Variants in SHCBP1 observed in about 807,000 individuals in gnomAD.
SHCBP1 encodes SHC SH2 domain-binding protein 1.
Under a neutral mutation model 75.1 loss-of-function variants are expected in SHCBP1, and 60 were observed. That is an observed-to-expected ratio of 0.80 (90% CI 0.65 to 0.99). The LOEUF (loss-of-function observed/expected upper bound fraction) is 0.99. Among genes scored for constraint, SHCBP1 ranks in the 50% least tolerant of loss-of-function variants. SHCBP1 has a pLI of 0.00. For synonymous variants in SHCBP1, 290 were observed against 293.2 expected, an observed-to-expected ratio of 0.99 and a Z score of 0.11; for missense variants, 709 against 809.4, an observed-to-expected ratio of 0.88 and a Z score of 1.50.
chr16:46,603,835 G>T, intron 7 of SHCBP1, 140 bp downstream of exon 7: 1 of 1,277,580 alleles, frequency 7.8e-7, no homozygotes, highest in South Asian at 1.5e-5. Flanking sequence ...TACTGCTGAT[G>T]AAAGGCAGGG....
At chr16:46,595,732 T>A in intron 9 of SHCBP1, 62 bp from the exon 10 acceptor site, 4 of 1,213,486 alleles carry the variant, frequency 3.3e-6, no homozygotes, top group Non-Finnish European at 4.8e-6. Context: ...ATGTTAGAGA[T>A]AGCCTCGCGC....
At chr16:46,599,985 A>T in intron 8 of SHCBP1, 23 bp from the exon 9 acceptor site, 2 of 1,610,652 alleles carry the variant, frequency 1.2e-6, no homozygotes, top group Non-Finnish European at 1.7e-6. Flanking sequence ...GAGCAACAAC[A>T]CTCAAGATGG....
chr16:46,592,981 A>G (rs1047374772), intron 10 of SHCBP1, among the ~76,000 whole-genome samples: 1 of 143,038 alleles, frequency 7.0e-6, no homozygotes, highest in Admixed American at 7.0e-5. Context: ...AAAAAAGCAG[A>G]AATTCTTCAA....
intron 4 of SHCBP1, among the ~76,000 whole-genome samples, chr16:46,609,431 ACTTTT>A (rs1965372425): frequency 1.5e-5 from 2 of 136,822 alleles, no homozygotes; most frequent in African/African-American, 5.5e-5. Context: ...CAGCATCCAC[ACTTTT>A]CTTTTCTTTT....
At chr16:46,599,449 C>T (rs1046048884) in intron 9 of SHCBP1, among the ~76,000 whole-genome samples, 1 of 152,000 alleles carries the variant, frequency 6.6e-6, no homozygotes, top group African/African-American at 2.4e-5. Flanking sequence ...TCAAAACCCA[C>T]ACAATTATCA....
At chr16:46,592,826 G>A (rs1965066997) in intron 10 of SHCBP1, among the ~76,000 whole-genome samples, 1 of 151,376 alleles carries the variant, frequency 6.6e-6, no homozygotes, top group African/African-American at 2.4e-5. Context: ...ACCATTTTCT[G>A]TTTTCCAGTA....
At chr16:46,612,366 A>T (rs941775172) in intron 4 of SHCBP1, among the ~76,000 whole-genome samples, 10 of 152,240 alleles carry the variant, frequency 6.6e-5, no homozygotes, top group African/African-American at 2.2e-4. Context: ...AACTCTTTCA[A>T]GAAGTTCTGC....
Position 46,579,392 on chromosome 16 carries a change from A to G in SHCBP1, c.*2337T>C, listed in dbSNP as rs1336027931. Reference sequence around the variant, plus strand: ...GTAGGCCTACTCATTATAATGAATCATGTGAATAAAAATTAATATAAGCTT... The same window carrying G: ...GTAGGCCTACTCATTATAATGAATCGTGTGAATAAAAATTAATATAAGCTT... On this transcript the variant is annotated 3_prime_UTR_variant, in exon 13 of 13. Coordinates refer to ENST00000303383, the MANE Select transcript of SHCBP1 (RefSeq NM_024745.5). Among the ~76,000 whole-genome samples the G allele has an allele frequency of 1.3e-5, 2 of 152,234 alleles. No homozygotes were observed. The highest frequency in any genetic ancestry group is 2.4e-5 in the African/African-American group (1 of 41,454).
rs1343305819 is a variant in SHCBP1 at position 46,616,480 on chromosome 16, G to A, written c.388-326C>T. Reference sequence around the variant, plus strand: ...GAAGGAAGCGGCCATCTGAAGAGCTGGGAAAGCACAGAAGGCCTGTGGCAG... The same window carrying A: ...GAAGGAAGCGGCCATCTGAAGAGCTAGGAAAGCACAGAAGGCCTGTGGCAG... On this transcript the variant is annotated intron_variant, in intron 3 of 12. Transcript: ENST00000303383. The surrounding 1 kb of genome is among the most constrained non-coding windows in gnomAD (Gnocchi z 4.4). 6.6e-6 allele frequency among the ~76,000 whole-genome samples: 1 copy of A among 152,206 alleles called. No individual in the cohort carries two copies.
At chr16:46,596,522 T>G (rs1378044317) in intron 9 of SHCBP1, among the ~76,000 whole-genome samples, 2 of 151,790 alleles carry the variant, frequency 1.3e-5, no homozygotes, top group African/African-American at 4.8e-5. Context: ...TTTCAAGTGA[T>G]TCTCCTGCCT....
chr16:46,593,132 G>A (rs1314237951), intron 10 of SHCBP1, among the ~76,000 whole-genome samples: 1 of 150,966 alleles, frequency 6.6e-6, no homozygotes, highest in African/African-American at 2.5e-5. Context: ...ATAAGGCAAG[G>A]GGGGAAAAAG....
At chr16:46,615,662 C>T (rs1965483025) in intron 4 of SHCBP1, among the ~76,000 whole-genome samples, 1 of 152,104 alleles carries the variant, frequency 6.6e-6, no homozygotes, top group African/African-American at 2.4e-5. Context: ...ATTGCTTGAA[C>T]CCAGGAGGCG....
intron 5 of SHCBP1, 59 bp from the exon 6 acceptor site, chr16:46,604,520 A>G: frequency 8.3e-7 from 1 of 1,208,068 alleles, no homozygotes; most frequent in South Asian, 1.3e-5. Flanking sequence ...TCCTATCATT[A>G]AAACAGCCCA....
chr16:46,610,546 T>TTTTTTTTTTTTTTTTG (rs1965398795), intron 4 of SHCBP1, among the ~76,000 whole-genome samples: 1 of 84,122 alleles, frequency 1.2e-5, no homozygotes, highest in Non-Finnish European at 2.2e-5. Context: ...TGGGGTCAAT[T>TTTTTTTTTTTTTTTTG]TTTTTTTTTT....
chr16:46,588,301 G>T (rs1056997714), intron 10 of SHCBP1, among the ~76,000 whole-genome samples: 1 of 152,058 alleles, frequency 6.6e-6, no homozygotes, highest in African/African-American at 2.4e-5. Context: ...CTAGCAGAAG[G>T]CAAGAAATCA....
chr16:46,612,512 A>G (rs1965433729), intron 4 of SHCBP1, among the ~76,000 whole-genome samples: 1 of 151,960 alleles, frequency 6.6e-6, no homozygotes. Flanking sequence ...GCATGCCTCT[A>G]CTCGATTGAA....
At chr16:46,597,427 TGTTTATACTAATGAGCATATGA>T (rs1965161157) in intron 9 of SHCBP1, among the ~76,000 whole-genome samples, 1 of 152,122 alleles carries the variant, frequency 6.6e-6, no homozygotes, top group Non-Finnish European at 1.5e-5. Context: ...ATAAAAGTTG[TGTTTATACTAATGAGCATATGA>T]GTTTATACTA....
At chr16:46,603,488 T>C (rs757834123) in intron 8 of SHCBP1, 51 bp downstream of exon 8, 11 of 1,605,476 alleles carry the variant, frequency 6.9e-6, no homozygotes, top group Middle Eastern at 1.7e-4. Context: ...ATTTATTGTT[T>C]ACTTAAACAT....
chr16:46,596,159 A>G (rs1351496298), intron 9 of SHCBP1, among the ~76,000 whole-genome samples: 1 of 152,112 alleles, frequency 6.6e-6, no homozygotes, highest in East Asian at 1.9e-4. Context: ...TGAATAGGCT[A>G]TTTTTTACTG....
Sources: allele counts gnomAD v4.1 joint callset (sites outside exome capture counted in the v4.1 genomes callset), GRCh38; gene constraint gnomAD v4.1.1; non-coding constraint Gnocchi (gnomAD v3.1); transcripts MANE v1.5; gene names NCBI Gene and HGNC (gene_info 2026-07-23, HGNC 2026-07-21).